Variants in IMMP2L observed in about 807,000 individuals in gnomAD.
IMMP2L encodes mitochondrial inner membrane protease subunit 2.
IMMP2L carries 18 observed loss-of-function variants against 19.3 expected under a neutral mutation model. The observed-to-expected ratio is 0.93, with a 90% CI of 0.64 to 1.38. The LOEUF is 1.38. IMMP2L is among the 40% of genes most tolerant of loss of function. The pLI, the probability that IMMP2L is intolerant of heterozygous loss-of-function variation, is 0.00. For synonymous variants in IMMP2L, 76 were observed against 73.0 expected, an observed-to-expected ratio of 1.04 and a Z score of -0.21; for missense variants, 233 against 218.2, an observed-to-expected ratio of 1.07 and a Z score of -0.43.
chr7:110,777,164 C>T lies in IMMP2L; in HGVS notation c.408+109429G>A, dbSNP rs571809255. ...CATGGGCCTTCTTATCATTGGCACA[C>T]CATTCAGGGATGCATACTTCTTAAG... is the stretch of plus-strand genomic sequence containing the variant. On this transcript the variant is annotated intron_variant, in intron 5 of 5. Coordinates refer to ENST00000405709, the MANE Select transcript of IMMP2L (RefSeq NM_032549.4). 3.3e-5 allele frequency among the ~76,000 whole-genome samples: 5 copies of T among 152,082 alleles called. 1 individual carries two copies. Among genetic ancestry groups the T allele is most frequent in the African/African-American group, 1.2e-4 (5 of 41,526 alleles).
intron 5 of IMMP2L, among the ~76,000 whole-genome samples, chr7:110,755,903 A>G (rs1261822632): frequency 6.6e-6 from 1 of 152,114 alleles, no homozygotes; most frequent in Non-Finnish European, 1.5e-5. Context: ...AAGACACAGA[A>G]GGAGAGAATA....
At chr7:110,994,120 C>A (rs1751345721) in intron 3 of IMMP2L, among the ~76,000 whole-genome samples, 1 of 150,864 alleles carries the variant, frequency 6.6e-6, no homozygotes. Flanking sequence ...CTTAAGTATT[C>A]ATTACTCTCT....
At chr7:110,856,974 G>A (rs1806856902) in intron 5 of IMMP2L, among the ~76,000 whole-genome samples, 1 of 152,020 alleles carries the variant, frequency 6.6e-6, no homozygotes, top group South Asian at 2.1e-4. Context: ...TCATCTGATC[G>A]ATATTAAATA....
At chr7:110,827,968 A>G (rs17400357) in intron 5 of IMMP2L, among the ~76,000 whole-genome samples, 63,810 of 151,956 alleles carry the variant, frequency 0.42, 15,264 homozygotes, top group East Asian at 0.75. Flanking sequence ...AGAGTTAGAC[A>G]AGTTCACCTA....
chr7:111,176,494 T>C (rs1437109448), intron 3 of IMMP2L, among the ~76,000 whole-genome samples: 1 of 151,960 alleles, frequency 6.6e-6, no homozygotes, highest in Non-Finnish European at 1.5e-5. Flanking sequence ...TGGAGGTCAC[T>C]ATGTTAAGTG....
chr7:111,278,579 C>G (rs1008854746), intron 3 of IMMP2L, among the ~76,000 whole-genome samples: 3 of 152,298 alleles, frequency 2.0e-5, no homozygotes, highest in African/African-American at 7.2e-5. Flanking sequence ...ATCAGTTGCA[C>G]ACCCCAGTTG....
At chr7:111,208,032 C>A (rs964945659) in intron 3 of IMMP2L, among the ~76,000 whole-genome samples, 1 of 152,068 alleles carries the variant, frequency 6.6e-6, no homozygotes, top group Admixed American at 6.5e-5. Flanking sequence ...GACCCCCTAC[C>A]AAACAAACTA....
intron 5 of IMMP2L, among the ~76,000 whole-genome samples, chr7:110,690,162 A>G (rs891149478): frequency 3.9e-5 from 6 of 152,286 alleles, no homozygotes; most frequent in Middle Eastern, 3.4e-3. Flanking sequence ...TTCCTGTCCT[A>G]TGACGCTGGG....
intron 3 of IMMP2L, among the ~76,000 whole-genome samples, chr7:111,136,432 T>TG (rs1554355683): frequency 8.6e-4 from 130 of 151,408 alleles, no homozygotes; most frequent in African/African-American, 2.9e-3. Context: ...ATTTTAGAAA[T>TG]AAAAAAAAAT....
chr7:111,281,216 A>AAGAG (rs1293249599), intron 3 of IMMP2L, among the ~76,000 whole-genome samples: 1 of 38,796 alleles, frequency 2.6e-5, no homozygotes, highest in Admixed American at 2.7e-4. Context: ...GAAAGAAAGA[A>AAGAG]AAAGAAAGAA....
intron 3 of IMMP2L, among the ~76,000 whole-genome samples, chr7:111,403,215 C>T (rs550643335): frequency 7.9e-5 from 12 of 152,072 alleles, no homozygotes; most frequent in African/African-American, 2.9e-4. Context: ...ATAGTGAGTA[C>T]TCACGAGATC....
At chr7:111,053,354 T>C (rs1401887440) in intron 3 of IMMP2L, among the ~76,000 whole-genome samples, 1 of 152,258 alleles carries the variant, frequency 6.6e-6, no homozygotes, top group East Asian at 1.9e-4. Flanking sequence ...TTTACTAGAG[T>C]TGTAGGCAAG....
chr7:110,836,612 C>G (rs780361256), intron 5 of IMMP2L, among the ~76,000 whole-genome samples: 2 of 152,058 alleles, frequency 1.3e-5, no homozygotes, highest in Non-Finnish European at 2.9e-5. Context: ...AATTGCCAGT[C>G]TTGGGTATGT....
intron 3 of IMMP2L, among the ~76,000 whole-genome samples, chr7:111,462,860 C>T (rs1289063050): frequency 6.6e-6 from 1 of 152,086 alleles, no homozygotes. Flanking sequence ...CTTCGTGGCT[C>T]TGTGGCTATA....
chr7:110,802,502 T>C lies in IMMP2L; in HGVS notation c.408+84091A>G, dbSNP rs141063906. On this transcript the variant is annotated intron_variant, in intron 5 of 5. Transcript: ENST00000405709. ...CATTATTATTTTGTAATTTTATTTA[T>C]AAATGTACTATAAAATACTTAGACT... Among the ~76,000 whole-genome samples, 28 of 152,136 alleles carry C rather than the reference T, an allele frequency of 1.8e-4. No individual in the cohort carries two copies. In the East Asian group the frequency reaches 5.4e-3, roughly 29 times the overall value.
At chr7:111,533,193 G>A (rs537737403) in intron 1 of IMMP2L, among the ~76,000 whole-genome samples, 1 of 152,308 alleles carries the variant, frequency 6.6e-6, no homozygotes, top group African/African-American at 2.4e-5. Flanking sequence ...TCAAGTGTCT[G>A]TTGCACAAAA....
intron 4 of IMMP2L, chr7:110,962,592 C>T (rs537676761): frequency 9.3e-6 from 3 of 323,134 alleles, no homozygotes; most frequent in Non-Finnish European, 1.3e-5. Context: ...GAGTGAAAAA[C>T]GGCAAGTAAC....
At chr7:111,194,373 T>C (rs144137292) in intron 3 of IMMP2L, among the ~76,000 whole-genome samples, 81 of 152,308 alleles carry the variant, frequency 5.3e-4, no homozygotes, top group African/African-American at 1.9e-3. Context: ...ATGTCAACAC[T>C]CATTTATCTT....
chr7:111,013,927 C>G (rs1378770860), intron 3 of IMMP2L, among the ~76,000 whole-genome samples: 2 of 151,978 alleles, frequency 1.3e-5, no homozygotes, highest in East Asian at 3.9e-4. Flanking sequence ...AAAGTTCCCT[C>G]ATATCAAGGA....
Sources: allele counts gnomAD v4.1 joint callset (sites outside exome capture counted in the v4.1 genomes callset), GRCh38; gene constraint gnomAD v4.1.1; transcripts MANE v1.5; gene names NCBI Gene and HGNC (gene_info 2026-07-23, HGNC 2026-07-21).